The following CPEB4 variants were observed in gnomAD, a reference collection of about 807,000 sequenced individuals.
The protein encoded by CPEB4 is cytoplasmic polyadenylation element-binding protein 4.
A neutral mutation model predicts 72.5 loss-of-function variants in CPEB4; 12 were observed. The ratio of observed to expected loss-of-function variants is 0.17; its 90% CI spans 0.11 to 0.27. The LOEUF (loss-of-function observed/expected upper bound fraction) is 0.27. Among genes scored for constraint, CPEB4 ranks in the 10% least tolerant of loss-of-function variants. The pLI is 1.00. For missense variants in CPEB4, 614 were observed against 908.5 expected, an observed-to-expected ratio of 0.68 and a Z score of 4.17; for synonymous variants, 302 against 326.3, an observed-to-expected ratio of 0.93 and a Z score of 0.80.
intron 2 of CPEB4, among the ~76,000 whole-genome samples, chr5:173,922,218 T>TTTTCTC (rs979625603): frequency 6.6e-6 from 1 of 152,116 alleles, no homozygotes; most frequent in Non-Finnish European, 1.5e-5. Flanking sequence ...TTCAATTTTT[T>TTTTCTC]TTTCTCTTTC....
chr5:173,939,798 T>G (rs946121240), intron 3 of CPEB4, among the ~76,000 whole-genome samples: 8 of 151,590 alleles, frequency 5.3e-5, no homozygotes, highest in African/African-American at 1.9e-4. Context: ...TTCTGAACAT[T>G]AAATTATTGA....
chr5:173,956,604 T>TTTC lies in CPEB4; in HGVS notation c.*469_*470insCTT, dbSNP rs1554096106. On this transcript the variant is annotated 3_prime_UTR_variant, in exon 10 of 10. Transcript: ENST00000265085. ...GGAAGTGCTTTTGCCTTTTCCTTTC[T>TTTC]TTTTTTTTTTTTTTTCATCTTTTTT... is the stretch of plus-strand genomic sequence containing the variant. The TTTC allele has an allele frequency of 1.2e-5, 1 of 83,740 alleles. No individual in the cohort carries two copies. Among genetic ancestry groups the TTTC allele is most frequent in the Non-Finnish European group, 3.5e-5 (1 of 28,230 alleles). The allele number at this position is 83,740 out of a possible 1,614,324, so 5.2% of individuals were successfully genotyped here.
chr5:173,890,977 G>T (rs1755792217), intron 1 of CPEB4, 119 bp downstream of exon 1: 3 of 953,264 alleles, frequency 3.1e-6, no homozygotes, highest in South Asian at 1.9e-5. Flanking sequence ...GAGAGAAAAT[G>T]AATCAATAAC....
rs193046157 is a variant in CPEB4 at position 173,901,862 on chromosome 5, G to T, written c.1126-8661G>T. Among the ~76,000 whole-genome samples, 65 of 152,284 alleles carry T rather than the reference G, an allele frequency of 4.3e-4. 1 individual carries two copies. The highest frequency in any genetic ancestry group is 1.5e-3 in the African/African-American group (62 of 41,554). ...GCTTTACGGCATGCTACAAGCTGTG[G>T]ATATGAAAATGAGTGAAGCTCATGG... On this transcript the variant is annotated intron_variant, in intron 1 of 9. Coordinates refer to ENST00000265085, the MANE Select transcript of CPEB4 (RefSeq NM_030627.4).
intron 3 of CPEB4, among the ~76,000 whole-genome samples, chr5:173,939,183 A>G (rs1757736024): frequency 6.6e-6 from 1 of 152,166 alleles, no homozygotes; most frequent in African/African-American, 2.4e-5. Flanking sequence ...ATATCTATTT[A>G]TATTTTCTTT....
In CPEB4 at chr5:173,955,214, G is replaced by A. The variant is rs1479390520; in HGVS notation, c.1963-696G>A. Among the ~76,000 whole-genome samples the A allele has an allele frequency of 1.3e-5, 2 of 152,168 alleles. No homozygotes were observed. The highest frequency in any genetic ancestry group is 4.8e-5 in the African/African-American group (2 of 41,446). On this transcript the variant is annotated intron_variant, in intron 9 of 9. Coordinates refer to ENST00000265085, the MANE Select transcript of CPEB4 (RefSeq NM_030627.4). The surrounding 1 kb of genome is among the most constrained non-coding windows in gnomAD (Gnocchi z 4.7). ...GCTTGAAAGGTTCACATGACAGGTT[G>A]GCCGATAGAACGCTGGAACAGGCCC...
At chr5:173,944,317 CT>C (rs1247459159) in intron 4 of CPEB4, among the ~76,000 whole-genome samples, 1 of 151,982 alleles carries the variant, frequency 6.6e-6, no homozygotes, top group African/African-American at 2.4e-5. Flanking sequence ...TAAAAATCTA[CT>C]TGTTACGTTA....
At chr5:173,942,031 T>G (rs1471825970) in intron 3 of CPEB4, among the ~76,000 whole-genome samples, 1 of 152,268 alleles carries the variant, frequency 6.6e-6, no homozygotes, top group Non-Finnish European at 1.5e-5. Context: ...CCTCTGTTTT[T>G]CTGTTAAGGG....
Position 173,888,598 on chromosome 5 carries a change from T to TA in CPEB4, c.-1136_-1135insA. 1 of 400,744 alleles carries TA rather than the reference T, an allele frequency of 2.5e-6. No homozygotes were observed. The highest frequency in any genetic ancestry group is 4.4e-5 in the Admixed American group (1 of 22,742). 24.8% of individuals were successfully genotyped at this position (400,744 alleles called of 1,614,324 possible). A position where few individuals can be genotyped will look rare whatever the true frequency, so the allele number is the denominator to read the frequency against. On this transcript the variant is annotated 5_prime_UTR_variant, in exon 1 of 10. Coordinates refer to ENST00000265085, the MANE Select transcript of CPEB4 (RefSeq NM_030627.4). This position sits in a 1 kb window ranked among gnomAD's most constrained non-coding sequence, Gnocchi z 4.3. ...AAACAAAAGCCTTCTAAATTATAGT[T>TA]TAAAAAAAAATTCTGGGGGAAAAGA...
chr5:173,895,361 C>T (rs747160300), intron 1 of CPEB4, among the ~76,000 whole-genome samples: 34 of 152,214 alleles, frequency 2.2e-4, no homozygotes, highest in Non-Finnish European at 4.6e-4. Context: ...ACCCTCTTAA[C>T]TACAGCTCAA....
At chr5:173,902,079 T>C (rs543379255) in intron 1 of CPEB4, among the ~76,000 whole-genome samples, 1 of 152,370 alleles carries the variant, frequency 6.6e-6, no homozygotes, top group Non-Finnish European at 1.5e-5. Flanking sequence ...TATTATTTAA[T>C]TCAAGAGGAA....
At chr5:173,892,997 C>CTGTGTGTGTGTGTGTG (rs200506890) in intron 1 of CPEB4, 8 of 139,834 alleles carry the variant, frequency 5.7e-5, no homozygotes, top group African/African-American at 2.2e-4. Context: ...ATTTGTAGCT[C>CTGTGTGTGTGTGTGTG]TGTGTGTGTG....
chr5:173,901,865 A>G (rs902168922), intron 1 of CPEB4, among the ~76,000 whole-genome samples: 2 of 152,214 alleles, frequency 1.3e-5, no homozygotes, highest in Non-Finnish European at 1.5e-5. Flanking sequence ...AGCTGTGGAT[A>G]TGAAAATGAG....
chr5:173,912,918 CAAA>C (rs397959791), intron 2 of CPEB4, among the ~76,000 whole-genome samples: 4 of 88,984 alleles, frequency 4.5e-5, no homozygotes, highest in Middle Eastern at 5.2e-3. Context: ...GACCCTGTCT[CAAA>C]AAAAAAAAAA....
chr5:173,952,944 G>T, intron 8 of CPEB4, 147 bp from the exon 9 acceptor site: 1 of 650,586 alleles, frequency 1.5e-6, no homozygotes, highest in South Asian at 3.0e-5. Context: ...TAACACAATG[G>T]ATGACTGGTT....
At position 173,957,760 on chromosome 5, in the gene CPEB4, C is replaced by T. The variant is rs1034396031; in HGVS notation, c.*1623C>T. 2 of 152,782 alleles carry T rather than the reference C, an allele frequency of 1.3e-5. No homozygotes were observed. The highest frequency in any genetic ancestry group is 2.4e-5 in the African/African-American group (1 of 41,454). 9.5% of individuals were successfully genotyped at this position (152,782 alleles called of 1,614,324 possible). A position where few individuals can be genotyped will look rare whatever the true frequency, so the allele number is the denominator to read the frequency against. ...ATCTTGGATCCTTCAAAACCAAAGA[C>T]TTGCCCCAGCACTGCTGTGGAACCA... On this transcript the variant is annotated 3_prime_UTR_variant, in exon 10 of 10. Coordinates refer to ENST00000265085, the MANE Select transcript of CPEB4 (RefSeq NM_030627.4).
intron 5 of CPEB4, among the ~76,000 whole-genome samples, chr5:173,945,571 C>T (rs1377548302): frequency 6.6e-6 from 1 of 152,122 alleles, no homozygotes; most frequent in Non-Finnish European, 1.5e-5. Flanking sequence ...AAAATATAGC[C>T]TACAGTTGTA....
rs1758478563 is a variant in CPEB4 at position 173,959,398 on chromosome 5, A to G, written c.*3261A>G. 6.5e-6 allele frequency: 1 copy of G among 152,808 alleles called. No homozygotes were observed. Among genetic ancestry groups the G allele is most frequent in the African/African-American group, 2.4e-5 (1 of 41,468 alleles). 9.5% of individuals were successfully genotyped at this position (152,808 alleles called of 1,614,324 possible). A position where few individuals can be genotyped will look rare whatever the true frequency, so the allele number is the denominator to read the frequency against. ...GCAAAATAAAACTTGCAGTGAATGA[A>G]TTTAGCATTTTATGAGAGTGCTGTT... On this transcript the variant is annotated 3_prime_UTR_variant, in exon 10 of 10. Coordinates refer to ENST00000265085, the MANE Select transcript of CPEB4 (RefSeq NM_030627.4).
In CPEB4 at chr5:173,906,872, A is replaced by T. The variant is rs11745868; in HGVS notation, c.1126-3651A>T. ...CTTTACCAGTTAGAAGTCAGCAAAA[A>T]TCTTTATGTTTCCCACAATATGCTT... On this transcript the variant is annotated intron_variant, in intron 1 of 9. Transcript: ENST00000265085. 3.4e-3 allele frequency among the ~76,000 whole-genome samples: 525 copies of T among 152,348 alleles called. 1 individual carries two copies. The highest frequency in any genetic ancestry group is 5.5e-3 in the Non-Finnish European group (374 of 68,024).
Sources: gnomAD v4.1 joint callset for allele counts (sites outside exome capture counted in the v4.1 genomes callset) on GRCh38, gnomAD v4.1.1 for gene constraint, Gnocchi (gnomAD v3.1) non-coding constraint, MANE v1.5 for transcripts, NCBI Gene and HGNC (gene_info 2026-07-23, HGNC 2026-07-21) for gene names.